Variants in PKP2 observed in about 807,000 individuals in gnomAD.
PKP2 encodes plakophilin 2.
Under a neutral mutation model 83.4 loss-of-function variants are expected in PKP2, and 73 were observed. The ratio of observed to expected loss-of-function variants is 0.88; its 90% confidence interval spans 0.72 to 1.06. The LOEUF is 1.06. PKP2 is among the 50% of genes least tolerant of loss of function. PKP2 has a pLI of 0.00. For missense variants in PKP2, 966 were observed against 1,065.4 expected (o/e 0.91, Z 1.30); for synonymous variants, 409 against 430.4 (o/e 0.95, Z 0.62).
At chr12:32,855,452 A>T (rs552981921) in intron 4 of PKP2, among the ~76,000 whole-genome samples, 1 of 152,312 alleles carries the variant, frequency 6.6e-6, no homozygotes, top group East Asian at 1.9e-4. Context: ...TAAAATATTA[A>T]TGTTATAAAA....
intron 10 of PKP2, among the ~76,000 whole-genome samples, chr12:32,798,190 T>C (rs1237728903): frequency 1.4e-5 from 2 of 147,606 alleles, no homozygotes; most frequent in African/African-American, 5.0e-5. Context: ...GTTCAAGCAA[T>C]TCTCCTGCCT....
At chr12:32,859,352 G>A (rs890646225) in intron 4 of PKP2, among the ~76,000 whole-genome samples, 1 of 152,114 alleles carries the variant, frequency 6.6e-6, no homozygotes, top group Admixed American at 6.5e-5. Context: ...AACTAAAAAT[G>A]GCAGATGATT....
intron 4 of PKP2, among the ~76,000 whole-genome samples, chr12:32,864,149 C>T (rs1345159566): frequency 6.6e-6 from 1 of 152,028 alleles, no homozygotes; most frequent in East Asian, 1.9e-4. Flanking sequence ...AGTTCTTCAA[C>T]TTGATATGGT....
chr12:32,888,490 TTTC>T (rs1173885663), intron 1 of PKP2, among the ~76,000 whole-genome samples: 4 of 152,030 alleles, frequency 2.6e-5, no homozygotes, highest in Non-Finnish European at 4.4e-5. Context: ...AACTTTTCTT[TTTC>T]TTTTTTTTTT....
At chr12:32,885,519 A>G (rs1216792258) in intron 1 of PKP2, among the ~76,000 whole-genome samples, 1 of 152,044 alleles carries the variant, frequency 6.6e-6, no homozygotes, top group Non-Finnish European at 1.5e-5. Context: ...TGTCTCTAAA[A>G]TACAAAAATT....
intron 1 of PKP2, among the ~76,000 whole-genome samples, chr12:32,892,691 G>A (rs1466570105): frequency 1.3e-5 from 2 of 151,476 alleles, no homozygotes; most frequent in African/African-American, 4.9e-5. Context: ...TGTGCCTCAA[G>A]TTTTGTGGTG....
chr12:32,800,631 G>A lies in PKP2; in HGVS notation c.2167+1772C>T, dbSNP rs146984217. ...TGCAATGTGGGATAATAATGTCTAC[G>A]TCACAGGGTTGTTCTGAGGGAACGA... On this transcript the variant is annotated intron_variant, in intron 10 of 12. Transcript: ENST00000340811. 9.9e-3 allele frequency among the ~76,000 whole-genome samples: 1,506 copies of A among 152,212 alleles called. 19 individuals carry two copies. Among genetic ancestry groups the A allele is most frequent in the Non-Finnish European group, 0.014 (975 of 68,004 alleles).
chr12:32,842,831 T>C (rs1007740704), intron 5 of PKP2, among the ~76,000 whole-genome samples: 32 of 150,408 alleles, frequency 2.1e-4, no homozygotes, highest in Non-Finnish European at 4.1e-4. Context: ...CACACCACCA[T>C]GCCTGGCTAA....
chr12:32,822,511 T>C lies in PKP2; in HGVS notation c.1795A>G (p.Lys599Glu). 2 of 1,614,164 alleles carry C rather than the reference T, an allele frequency of 1.2e-6. No homozygotes were observed. The highest frequency in any genetic ancestry group is 1.1e-5 in the South Asian group (1 of 91,084). ...CGACTGCCAAAACATCCAATACTTT[T>C]GTTGTTGTCAGTCTGGATATTCCGG... The part of the protein sequence containing the change: ...QNRNIQTDNN[K>E]SIGCFGSRSR... Residue 599 changes from lysine (K) to glutamate (E), a missense_variant, in exon 8 of 13, where the codon AAA becomes GAA. Transcript: ENST00000340811.
chr12:32,886,504 T>C (rs1373176150), intron 1 of PKP2, among the ~76,000 whole-genome samples: 1 of 151,450 alleles, frequency 6.6e-6, no homozygotes, highest in Non-Finnish European at 1.5e-5. Context: ...GGTGAAGGAA[T>C]TTTTTTTGTT....
At chr12:32,810,367 T>C (rs79595468) in intron 9 of PKP2, among the ~76,000 whole-genome samples, 8 of 148,480 alleles carry the variant, frequency 5.4e-5, no homozygotes. Flanking sequence ...CATTTTTTTT[T>C]CTCACTTGAC....
At chr12:32,853,046 T>C (rs1043061014) in intron 4 of PKP2, among the ~76,000 whole-genome samples, 1 of 152,162 alleles carries the variant, frequency 6.6e-6, no homozygotes, top group Non-Finnish European at 1.5e-5. Flanking sequence ...ATGGCACCAC[T>C]GCACTCTAGC....
chr12:32,794,625 T>G (rs1956104383), intron 11 of PKP2, among the ~76,000 whole-genome samples: 1 of 152,254 alleles, frequency 6.6e-6, no homozygotes, highest in South Asian at 2.1e-4. Context: ...GTCTGAATAC[T>G]CGAATAATGA....
At chr12:32,808,308 G>A (rs1324505827) in intron 9 of PKP2, among the ~76,000 whole-genome samples, 5 of 151,926 alleles carry the variant, frequency 3.3e-5, no homozygotes, top group Non-Finnish European at 5.9e-5. Flanking sequence ...CCTCCACTTG[G>A]TCTCTTCTGC....
At chr12:32,822,407 A>G in intron 8 of PKP2, 60 bp downstream of exon 8, 1 of 1,432,960 alleles carries the variant, frequency 7.0e-7, no homozygotes, top group Non-Finnish European at 9.8e-7. Context: ...ACATATACAC[A>G]AACACACACT....
intron 4 of PKP2, among the ~76,000 whole-genome samples, chr12:32,857,459 C>T (rs1956760362): frequency 1.3e-5 from 2 of 151,678 alleles, no homozygotes; most frequent in African/African-American, 2.4e-5. Flanking sequence ...AGAGAGAGAT[C>T]AACAGCGTCA....
At chr12:32,807,188 T>C (rs1394050484) in intron 9 of PKP2, among the ~76,000 whole-genome samples, 2 of 152,188 alleles carry the variant, frequency 1.3e-5, no homozygotes, top group Non-Finnish European at 2.9e-5. Flanking sequence ...TCTGTTGTTT[T>C]TTGGTGGAGA....
chr12:32,846,133 A>G (rs1956642554), intron 5 of PKP2, among the ~76,000 whole-genome samples: 2 of 152,176 alleles, frequency 1.3e-5, no homozygotes, highest in African/African-American at 2.4e-5. Flanking sequence ...ATATGTAATG[A>G]AAGAGGGATA....
chr12:32,878,898 G>A (rs763552498), intron 2 of PKP2, 22 bp downstream of exon 2: 1 of 1,186,692 alleles, frequency 8.4e-7, no homozygotes, highest in Non-Finnish European at 1.3e-6. Flanking sequence ...GATCACTAGG[G>A]TTACATTCTT....
Sources: gnomAD v4.1 joint callset for allele counts (sites outside exome capture counted in the v4.1 genomes callset) on GRCh38, gnomAD v4.1.1 for gene constraint, MANE v1.5 for transcripts, NCBI Gene and HGNC (gene_info 2026-07-23, HGNC 2026-07-21) for gene names.